The following NEDD9 variants were observed in gnomAD, a reference collection of about 807,000 sequenced individuals.
NEDD9 encodes the protein enhancer of filamentation 1.
Under a neutral mutation model 76.6 loss-of-function variants are expected in NEDD9, and 26 were observed. The ratio of observed to expected loss-of-function variants is 0.34; its 90% confidence interval spans 0.25 to 0.47. NEDD9 has a LOEUF of 0.47. Ranked by LOEUF, NEDD9 falls within the 20% of genes least tolerant of loss-of-function variation. NEDD9 has a pLI of 1.00. For synonymous variants in NEDD9, 392 were observed against 414.2 expected (o/e 0.95, Z 0.65); for missense variants, 937 against 1,058.5 (o/e 0.89, Z 1.59).
At chr6:11,230,093 A>G (rs958257768) in intron 1 of NEDD9, among the ~76,000 whole-genome samples, 1 of 152,250 alleles carries the variant, frequency 6.6e-6, no homozygotes, top group African/African-American at 2.4e-5. Context: ...TTTACCATCT[A>G]ATAATTATCT....
chr6:11,246,973 G>C (rs1051440342), intron 3 of NEDD9, among the ~76,000 whole-genome samples: 1 of 152,034 alleles, frequency 6.6e-6, no homozygotes, highest in African/African-American at 2.4e-5. Flanking sequence ...CAAGATAAAG[G>C]CTGCTTGTGA....
intron 2 of NEDD9, among the ~76,000 whole-genome samples, chr6:11,327,232 T>C (rs1761947630): frequency 6.6e-6 from 1 of 152,184 alleles, no homozygotes. Context: ...TCCTTAGTCC[T>C]TTTACCACTA....
At chr6:11,231,299 C>T (rs538252438) in intron 1 of NEDD9, among the ~76,000 whole-genome samples, 5 of 152,260 alleles carry the variant, frequency 3.3e-5, no homozygotes, top group African/African-American at 9.6e-5. Flanking sequence ...ACAGTGGTAA[C>T]GTAGGCATTA....
intron 2 of NEDD9, among the ~76,000 whole-genome samples, chr6:11,322,415 G>A (rs1259428220): frequency 6.6e-6 from 1 of 152,140 alleles, no homozygotes; most frequent in Non-Finnish European, 1.5e-5. Context: ...CTGAGCTGGG[G>A]GAACCCACAC....
At position 11,240,403 on chromosome 6, in the gene NEDD9, G is replaced by A. The variant is rs965158568; in HGVS notation, c.13-26676C>T. Among the ~76,000 whole-genome samples, 6 of 152,118 alleles carry A rather than the reference G, an allele frequency of 3.9e-5. No individual in the cohort carries two copies. The East Asian group carries it at 1.2e-3, about 29-fold the overall frequency. On this transcript the variant is annotated intron_variant, in intron 3 of 3. Coordinates refer to the NEDD9 transcript ENST00000397378. ...TTCCTGCTTCCTTCCATCTCTTTGAGGTGGCTTTTAATTATCCCAAGGGTG... is the reference window on the plus strand; with the variant it reads ...TTCCTGCTTCCTTCCATCTCTTTGAAGTGGCTTTTAATTATCCCAAGGGTG...
chr6:11,289,018 T>C lies in NEDD9; in HGVS notation c.12+16974A>G, dbSNP rs562078203. Among the ~76,000 whole-genome samples, 3 of 152,378 alleles carry C rather than the reference T, an allele frequency of 2.0e-5. No individual in the cohort carries two copies. In the South Asian group the frequency reaches 6.2e-4, roughly 32 times the overall value. On this transcript the variant is annotated intron_variant, in intron 3 of 3. Transcript: ENST00000397378. ...TATGTCCAAGTCCTTTGGAGGTATC[T>C]AACTAGCTTGCCTCTCCTCTCCTGC...
chr6:11,190,399 T>C lies in NEDD9; in HGVS notation c.1470A>G (p.Gln490=). Residue 490 remains glutamine (Q), a synonymous_variant, in exon 5 of 7, where the codon CAA becomes CAG. Transcript: ENST00000379446. The surrounding 1 kb of genome is among the most constrained non-coding windows in gnomAD (Gnocchi z 5.8). ...GGATCTGGTGGGAGTCTTCAACTCG[T>C]TGCAGCTCCCGCTTCATCTTGTTGT... ...ILHNKMKREL[Q]RVEDSHQILS... 6.2e-7 allele frequency: 1 copy of C among 1,614,198 alleles called. No homozygotes were observed. The highest frequency in any genetic ancestry group is 2.2e-5 in the East Asian group (1 of 44,882).
intron 1 of NEDD9, among the ~76,000 whole-genome samples, chr6:11,343,460 C>T (rs375134854): frequency 1.3e-5 from 2 of 151,880 alleles, no homozygotes; most frequent in East Asian, 1.9e-4. Context: ...CTCAATGAGG[C>T]TTTCCCTGAG....
chr6:11,298,077 T>C (rs1428432650), intron 3 of NEDD9, among the ~76,000 whole-genome samples: 1 of 152,002 alleles, frequency 6.6e-6, no homozygotes, highest in Non-Finnish European at 1.5e-5. Flanking sequence ...CCAGCTAATT[T>C]TTCTATTTTT....
At chr6:11,309,427 A>G (rs574517789) in intron 2 of NEDD9, among the ~76,000 whole-genome samples, 6 of 152,194 alleles carry the variant, frequency 3.9e-5, no homozygotes, top group Non-Finnish European at 7.4e-5. Flanking sequence ...GTTTCCCTCC[A>G]TCCCTCCCTG....
intron 1 of NEDD9, among the ~76,000 whole-genome samples, chr6:11,230,457 G>A (rs2113262114): frequency 6.6e-6 from 1 of 152,334 alleles, no homozygotes; most frequent in African/African-American, 2.4e-5. Flanking sequence ...GCTATTGGGA[G>A]AGTTGAATAT....
intron 2 of NEDD9, among the ~76,000 whole-genome samples, chr6:11,310,055 G>C (rs1264106389): frequency 1.3e-5 from 2 of 152,176 alleles, no homozygotes; most frequent in South Asian, 4.1e-4. Flanking sequence ...TTTCACAGGG[G>C]TGTGTGTCCC....
chr6:11,321,214 A>G (rs1761792530), intron 2 of NEDD9, among the ~76,000 whole-genome samples: 1 of 136,326 alleles, frequency 7.3e-6, no homozygotes, highest in Admixed American at 7.3e-5. Flanking sequence ...GGAAAGAAGG[A>G]AGGAGGGAGG....
chr6:11,210,124 C>A (rs1055085508), intron 2 of NEDD9, among the ~76,000 whole-genome samples: 2 of 152,086 alleles, frequency 1.3e-5, no homozygotes, highest in African/African-American at 4.8e-5. Context: ...CCTTCATGGT[C>A]CCTTTACAGT....
intron 3 of NEDD9, among the ~76,000 whole-genome samples, chr6:11,298,797 A>T (rs571912275): frequency 2.8e-4 from 43 of 152,354 alleles, no homozygotes; most frequent in African/African-American, 8.2e-4. Context: ...CTTTTGCCAT[A>T]GAATCTAGTA....
intron 1 of NEDD9, among the ~76,000 whole-genome samples, chr6:11,343,177 C>T (rs1762306277): frequency 6.6e-6 from 1 of 152,086 alleles, no homozygotes; most frequent in Admixed American, 6.6e-5. Flanking sequence ...CGTCTGTAAT[C>T]CCAGCACTTT....
intron 1 of NEDD9, among the ~76,000 whole-genome samples, chr6:11,232,219 GTGGC>G (rs1489063146): frequency 2.0e-5 from 3 of 152,212 alleles, no homozygotes; most frequent in Admixed American, 2.0e-4. Flanking sequence ...CTGATCTCCA[GTGGC>G]TGCTGTGAAG....
chr6:11,364,854 A>AT (rs1762735137), intron 1 of NEDD9, among the ~76,000 whole-genome samples: 1 of 152,100 alleles, frequency 6.6e-6, no homozygotes, highest in Admixed American at 6.5e-5. Context: ...ATGTCATGCT[A>AT]TTTTTTTAAA....
At chr6:11,272,318 C>A (rs768550252) in intron 3 of NEDD9, among the ~76,000 whole-genome samples, 4 of 152,124 alleles carry the variant, frequency 2.6e-5, no homozygotes, top group African/African-American at 7.2e-5. Context: ...AAGAGAGGGG[C>A]GACTCAGTAC....
Sources: allele counts gnomAD v4.1 joint callset (sites outside exome capture counted in the v4.1 genomes callset), GRCh38; gene constraint gnomAD v4.1.1; non-coding constraint Gnocchi (gnomAD v3.1); transcripts MANE v1.5; gene names NCBI Gene and HGNC (gene_info 2026-07-23, HGNC 2026-07-21).